HMBOX1: variants seen among roughly 807,000 people sequenced by gnomAD.
The protein encoded by HMBOX1 is homeobox-containing protein 1.
A neutral mutation model predicts 54.5 loss-of-function variants in HMBOX1; 14 were observed. The ratio of observed to expected loss-of-function variants is 0.26; its 90% CI spans 0.17 to 0.40. The LOEUF is 0.40. Among genes scored for constraint, HMBOX1 ranks in the 10% least tolerant of loss-of-function variants. HMBOX1 has a pLI of 1.00. For missense variants in HMBOX1, 332 were observed against 514.4 expected, an observed-to-expected ratio of 0.65 and a Z score of 3.43; for synonymous variants, 160 against 181.0, an observed-to-expected ratio of 0.88 and a Z score of 0.93.
At chr8:28,937,907 A>T (rs888852702) in intron 1 of HMBOX1, among the ~76,000 whole-genome samples, 5 of 151,888 alleles carry the variant, frequency 3.3e-5, no homozygotes, top group African/African-American at 9.7e-5. Context: ...CTTATCCATA[A>T]TTTTTTTTAT....
chr8:28,959,152 CTT>C (rs746636193), intron 1 of HMBOX1, among the ~76,000 whole-genome samples: 24 of 150,930 alleles, frequency 1.6e-4, no homozygotes, highest in Non-Finnish European at 2.5e-4. Context: ...TTTTTTTTAA[CTT>C]AAGTTGAGAG....
intron 4 of HMBOX1, among the ~76,000 whole-genome samples, chr8:29,001,590 AAAC>A (rs968186214): frequency 8.5e-5 from 11 of 129,622 alleles, no homozygotes; most frequent in African/African-American, 3.0e-4. Flanking sequence ...AAACAAAACA[AAAC>A]AAGACATTTA....
At chr8:28,936,825 A>G (rs1049909685) in intron 1 of HMBOX1, among the ~76,000 whole-genome samples, 1 of 151,294 alleles carries the variant, frequency 6.6e-6, no homozygotes, top group African/African-American at 2.4e-5. Flanking sequence ...ACAGCCCCCA[A>G]GGCCACTTTC....
intron 1 of HMBOX1, among the ~76,000 whole-genome samples, chr8:28,960,586 C>T (rs4732660): frequency 6.6e-6 from 1 of 150,756 alleles, no homozygotes; most frequent in Non-Finnish European, 1.5e-5. Context: ...TTTGTTCATT[C>T]TAAAAGGTAT....
chr8:28,958,060 A>G (rs904433916), intron 1 of HMBOX1, among the ~76,000 whole-genome samples: 4 of 152,206 alleles, frequency 2.6e-5, no homozygotes, highest in African/African-American at 7.2e-5. Flanking sequence ...TTCCTGCTCA[A>G]TTAGAGAAAC....
chr8:29,014,698 G>A (rs535777067), intron 5 of HMBOX1, among the ~76,000 whole-genome samples: 1 of 151,942 alleles, frequency 6.6e-6, no homozygotes, highest in South Asian at 2.1e-4. Flanking sequence ...CCCCCACCCC[G>A]AGATGGAGTA....
chr8:29,046,604 C>G (rs975194590), intron 7 of HMBOX1, among the ~76,000 whole-genome samples: 1 of 152,236 alleles, frequency 6.6e-6, no homozygotes, highest in Non-Finnish European at 1.5e-5. Flanking sequence ...ATAATATCCT[C>G]TGTCCTAAGA....
chr8:29,047,564 C>CT (rs33978272), intron 8 of HMBOX1, 111 bp downstream of exon 8: 31,637 of 305,698 alleles, frequency 0.1, 90 homozygotes, highest in East Asian at 0.16. Flanking sequence ...CCTAACTTCT[C>CT]TTTTTTTTTT....
chr8:29,016,849 G>A (rs1300886344), intron 5 of HMBOX1, among the ~76,000 whole-genome samples: 1 of 152,238 alleles, frequency 6.6e-6, no homozygotes, highest in Non-Finnish European at 1.5e-5. Context: ...ATGTCATAGT[G>A]TCTTCTGTAT....
At chr8:29,009,311 A>G (rs1833898656) in intron 5 of HMBOX1, 129 bp downstream of exon 5, 1 of 1,048,818 alleles carries the variant, frequency 9.5e-7, no homozygotes, top group East Asian at 2.7e-5. Flanking sequence ...TTTATGCAGA[A>G]AAAGACTCTT....
chr8:28,919,034 A>T (rs886763579), intron 1 of HMBOX1, among the ~76,000 whole-genome samples: 2 of 152,246 alleles, frequency 1.3e-5, no homozygotes, highest in Non-Finnish European at 2.9e-5. Context: ...CTTGAGGAAA[A>T]CAGAGAGGAA....
intron 4 of HMBOX1, among the ~76,000 whole-genome samples, chr8:29,005,071 A>G (rs189372856): frequency 6.6e-6 from 1 of 152,266 alleles, no homozygotes; most frequent in East Asian, 1.9e-4. Flanking sequence ...ATTCTTGTTT[A>G]TTTCTTCCTC....
At chr8:28,982,716 C>T (rs1418745692) in intron 4 of HMBOX1, among the ~76,000 whole-genome samples, 1 of 151,984 alleles carries the variant, frequency 6.6e-6, no homozygotes, top group Non-Finnish European at 1.5e-5. Context: ...ACCTCCGCCT[C>T]CTGGGTTCAA....
chr8:29,049,189 A>G, intron 9 of HMBOX1, 141 bp downstream of exon 9: 1 of 1,498,062 alleles, frequency 6.7e-7, no homozygotes, highest in Non-Finnish European at 9.0e-7. Flanking sequence ...GTGTCTAGTT[A>G]GATTTCATGT....
chr8:28,972,091 T>G (rs922400937), intron 3 of HMBOX1, among the ~76,000 whole-genome samples: 1 of 152,234 alleles, frequency 6.6e-6, no homozygotes, highest in African/African-American at 2.4e-5. Context: ...AACTTTATTA[T>G]ATGAAATTCT....
chr8:28,904,394 A>C (rs1299895137), intron 1 of HMBOX1, among the ~76,000 whole-genome samples: 2 of 151,134 alleles, frequency 1.3e-5, no homozygotes, highest in Non-Finnish European at 2.9e-5. Flanking sequence ...CACCATGCCC[A>C]GCCGATTTTT....
intron 1 of HMBOX1, among the ~76,000 whole-genome samples, chr8:28,954,321 T>G (rs1824019411): frequency 6.6e-6 from 1 of 152,124 alleles, no homozygotes; most frequent in Non-Finnish European, 1.5e-5. Flanking sequence ...GTTTAAATTT[T>G]GGGGGATTAT....
chr8:29,045,949 G>C (rs1466558950), intron 7 of HMBOX1, among the ~76,000 whole-genome samples: 1 of 152,118 alleles, frequency 6.6e-6, no homozygotes, highest in East Asian at 1.9e-4. Context: ...ATTTAGGGCA[G>C]TACCATTTTG....
chr8:28,945,928 A>G lies in HMBOX1; in HGVS notation c.-57-17883A>G, dbSNP rs887241663. ...TTCACAGTTGTGTAACCATCATCAA[A>G]TCCATAGGGCATATTCTTTTTTTTT... On this transcript the variant is annotated intron_variant, in intron 1 of 9. Transcript: ENST00000287701. Among the ~76,000 whole-genome samples, 4 of 150,920 alleles carry G rather than the reference A, an allele frequency of 2.7e-5. No individual in the cohort carries two copies. The East Asian group carries it at 7.8e-4, about 29-fold the overall frequency.
Sources: gnomAD v4.1 joint callset for allele counts (sites outside exome capture counted in the v4.1 genomes callset) on GRCh38, gnomAD v4.1.1 for gene constraint, MANE v1.5 for transcripts, NCBI Gene and HGNC (gene_info 2026-07-23, HGNC 2026-07-21) for gene names.